DDX10: variants seen among roughly 807,000 people sequenced by gnomAD.
DDX10 encodes DEAD-box helicase 10, also known as probable ATP-dependent RNA helicase DDX10.
In DDX10, 74 loss-of-function variants were observed where a neutral mutation model predicts 104.3. The ratio of observed to expected loss-of-function variants is 0.71; its 90% CI spans 0.59 to 0.86. The LOEUF (loss-of-function observed/expected upper bound fraction) is 0.86. Among genes scored for constraint, DDX10 ranks in the 40% least tolerant of loss-of-function variants. The pLI is 0.00. For missense variants in DDX10, 952 were observed against 1,040.0 expected (o/e 0.92, Z 1.16); for synonymous variants, 351 against 353.4 (o/e 0.99, Z 0.08).
At chr11:108,896,591 G>C (rs943720898) in intron 16 of DDX10, among the ~76,000 whole-genome samples, 2 of 152,144 alleles carry the variant, frequency 1.3e-5, no homozygotes, top group Admixed American at 6.5e-5. Context: ...GTTTATTGTA[G>C]CAAGAGCATT....
chr11:108,685,680 G>T (rs1258148792), intron 6 of DDX10, among the ~76,000 whole-genome samples: 1 of 152,196 alleles, frequency 6.6e-6, no homozygotes, highest in Non-Finnish European at 1.5e-5. Flanking sequence ...TTTTAAAAGA[G>T]TTCATGCTGA....
intron 13 of DDX10, among the ~76,000 whole-genome samples, chr11:108,757,696 T>C (rs1193608898): frequency 6.6e-6 from 1 of 152,078 alleles, no homozygotes; most frequent in East Asian, 1.9e-4. Context: ...TTGAAAACTT[T>C]TTTCCCTCTG....
At chr11:108,683,367 T>G (rs531026352) in intron 6 of DDX10, among the ~76,000 whole-genome samples, 1 of 152,352 alleles carries the variant, frequency 6.6e-6, no homozygotes, top group Admixed American at 6.5e-5. Flanking sequence ...GACTTGCGAC[T>G]GATGTGTTTA....
intron 1 of DDX10, among the ~76,000 whole-genome samples, chr11:108,671,101 T>G (rs2094216407): frequency 6.6e-6 from 1 of 152,160 alleles, no homozygotes; most frequent in Non-Finnish European, 1.5e-5. Context: ...ATTTGTAGAC[T>G]GAGTATGAGT....
At chr11:108,847,591 G>T (rs544231415) in intron 15 of DDX10, among the ~76,000 whole-genome samples, 1 of 152,282 alleles carries the variant, frequency 6.6e-6, no homozygotes, top group African/African-American at 2.4e-5. Flanking sequence ...ATTAAAGGAA[G>T]ACTTTAGAAA....
intron 13 of DDX10, among the ~76,000 whole-genome samples, chr11:108,798,348 A>G (rs185003629): frequency 2.6e-5 from 4 of 152,236 alleles, no homozygotes; most frequent in South Asian, 2.1e-4. Flanking sequence ...GTATGATTCT[A>G]TAGGTAAATA....
chr11:108,790,294 A>C (rs1186615674), intron 13 of DDX10, among the ~76,000 whole-genome samples: 3 of 152,216 alleles, frequency 2.0e-5, no homozygotes, highest in Non-Finnish European at 4.4e-5. Context: ...CTTTAGAGGC[A>C]AATCTCTGGA....
chr11:108,899,083 G>A (rs908507892), intron 16 of DDX10, among the ~76,000 whole-genome samples: 5 of 152,124 alleles, frequency 3.3e-5, no homozygotes, highest in South Asian at 2.1e-4. Flanking sequence ...CTGCAACTTC[G>A]TGTCTCTGCG....
chr11:108,940,199 G>T, intron 17 of DDX10, 47 bp from the exon 18 acceptor site: 1 of 1,577,326 alleles, frequency 6.3e-7, no homozygotes, highest in Non-Finnish European at 8.6e-7. Flanking sequence ...TTAAATGTTT[G>T]ATTTCATACT....
At position 108,882,148 on chromosome 11, in the gene DDX10, T is replaced by A. The variant is rs545283686; in HGVS notation, c.2304+29939T>A. On this transcript the variant is annotated intron_variant, in intron 16 of 17. Transcript: ENST00000322536. ...AAAAGAAAATTAGAAAAGCATCCCA[T>A]CCTCCATAAAATAGATTAGATAATC... Among the ~76,000 whole-genome samples the A allele has an allele frequency of 2.3e-4, 35 of 152,282 alleles. 1 individual carries two copies. Among genetic ancestry groups the A allele is most frequent in the Non-Finnish European group, 4.7e-4 (32 of 67,988 alleles).
chr11:108,723,578 C>A, intron 13 of DDX10, 116 bp downstream of exon 13: 1 of 983,486 alleles, frequency 1.0e-6, no homozygotes, highest in Non-Finnish European at 1.5e-6. Flanking sequence ...GGTTTCTTTG[C>A]AATGAACTCT....
intron 11 of DDX10, among the ~76,000 whole-genome samples, chr11:108,717,118 T>C (rs945102979): frequency 2.0e-5 from 3 of 152,178 alleles, no homozygotes; most frequent in Non-Finnish European, 2.9e-5. Context: ...ATATCAGCAA[T>C]GAGCCAGAGA....
At chr11:108,689,512 T>C (rs1448188924) in intron 7 of DDX10, among the ~76,000 whole-genome samples, 1 of 152,248 alleles carries the variant, frequency 6.6e-6, no homozygotes, top group Non-Finnish European at 1.5e-5. Flanking sequence ...AGTTCAAATG[T>C]TATGCCTGAA....
chr11:108,721,199 CAT>C (rs1163846559), intron 12 of DDX10, among the ~76,000 whole-genome samples: 1 of 152,070 alleles, frequency 6.6e-6, no homozygotes, highest in Non-Finnish European at 1.5e-5. Flanking sequence ...GTATGTTTAC[CAT>C]AACAGGTAAT....
rs368273958 is a variant in DDX10 at position 108,855,491 on chromosome 11, G to A, written c.2304+3282G>A. ...TATTTATTTTTTAAGATGGAGTCTC[G>A]CTCTGTCACCGAGGCTGGAGTGCAG... On this transcript the variant is annotated intron_variant, in intron 16 of 17. Coordinates refer to ENST00000322536, the MANE Select transcript of DDX10 (RefSeq NM_004398.4). Among the ~76,000 whole-genome samples, 204 of 152,188 alleles carry A rather than the reference G, an allele frequency of 1.3e-3. 4 individuals are homozygous for A. Among genetic ancestry groups the A allele is most frequent in the Middle Eastern group, 0.01 (3 of 294 alleles).
intron 17 of DDX10, among the ~76,000 whole-genome samples, chr11:108,937,188 C>T (rs886139771): frequency 5.3e-5 from 8 of 152,104 alleles, no homozygotes; most frequent in African/African-American, 1.2e-4. Flanking sequence ...CTGCCGATCT[C>T]GCGAGTGAGG....
intron 9 of DDX10, among the ~76,000 whole-genome samples, chr11:108,696,080 G>T (rs2094259463): frequency 6.6e-6 from 1 of 152,118 alleles, no homozygotes. Context: ...AACTAAAATG[G>T]GACATGGGTA....
At chr11:108,721,883 T>G (rs2094298816) in intron 12 of DDX10, among the ~76,000 whole-genome samples, 1 of 152,186 alleles carries the variant, frequency 6.6e-6, no homozygotes, top group Non-Finnish European at 1.5e-5. Flanking sequence ...GACATAAAAA[T>G]GTAAGTGCAA....
intron 16 of DDX10, among the ~76,000 whole-genome samples, chr11:108,868,028 TTGTAGCTTTGC>T (rs1863029666): frequency 6.6e-6 from 1 of 152,150 alleles, no homozygotes; most frequent in African/African-American, 2.4e-5. Context: ...TTTCTAGATA[TTGTAGCTTTGC>T]ATATACTGAA....
Sources: allele counts gnomAD v4.1 joint callset (sites outside exome capture counted in the v4.1 genomes callset), GRCh38; gene constraint gnomAD v4.1.1; transcripts MANE v1.5; gene names NCBI Gene and HGNC (gene_info 2026-07-23, HGNC 2026-07-21).